AGO4: variants seen among roughly 807,000 people sequenced by gnomAD.
AGO4 encodes argonaute RISC component 4.
AGO4 carries 33 observed loss-of-function variants against 104.7 expected under a neutral mutation model. The ratio of observed to expected loss-of-function variants is 0.32; its 90% CI spans 0.24 to 0.42. AGO4 has a LOEUF of 0.42. Among genes scored for constraint, AGO4 ranks in the 10% least tolerant of loss-of-function variants. The pLI, the probability that AGO4 is intolerant of heterozygous loss-of-function variation, is 1.00. For missense variants in AGO4, 711 were observed against 1,083.4 expected, an observed-to-expected ratio of 0.66 and a Z score of 4.83; for synonymous variants, 331 against 364.7, an observed-to-expected ratio of 0.91 and a Z score of 1.05.
rs1304863289 is a variant in AGO4 at position 35,845,214 on chromosome 1, A to T, written c.2175+3464A>T. ...AATCAGACTTTTTTTTTTTTTTTTG[A>T]AATGGAGTTTCTGTAATCAGGCTTT... On this transcript the variant is annotated intron_variant, in intron 15 of 17. Transcript: ENST00000373210. 1.7e-3 allele frequency among the ~76,000 whole-genome samples: 18 copies of T among 10,634 alleles called. 4 individuals are homozygous for T. Among genetic ancestry groups the T allele is most frequent in the Non-Finnish European group, 0.01 (11 of 1,078 alleles). The allele number at this position is 10,634 out of a possible 152,430, so 7.0% of individuals were successfully genotyped here. A position where few individuals can be genotyped will look rare whatever the true frequency, so the allele number is the denominator to read the frequency against.
chr1:35,849,518 C>CAA (rs754902083), intron 15 of AGO4, among the ~76,000 whole-genome samples: 1,104 of 59,342 alleles, frequency 0.019, 26 homozygotes, highest in African/African-American at 0.058. Context: ...CCCCGTGTCT[C>CAA]AAAAAAAAAA....
In AGO4 at chr1:35,857,325, C is replaced by T. The variant is rs1409052687; in HGVS notation, c.*3720C>T. The T allele has an allele frequency of 6.6e-6, 1 of 152,164 alleles. No individual in the cohort carries two copies. Among genetic ancestry groups the T allele is most frequent in the African/African-American group, 2.4e-5 (1 of 41,424 alleles). The allele number at this position is 152,164 out of a possible 1,614,324, so 9.4% of individuals were successfully genotyped here. A position where few individuals can be genotyped will look rare whatever the true frequency, so the allele number is the denominator to read the frequency against. On this transcript the variant is annotated 3_prime_UTR_variant, in exon 18 of 18. Transcript: ENST00000373210. ...TTCCTTGTAAAATTAAAGGAAAGAT[C>T]TTGTTATTGATTAACCATTTTCTTA... is the stretch of plus-strand genomic sequence containing the variant.
chr1:35,811,425 G>A (rs1643500119), intron 1 of AGO4, among the ~76,000 whole-genome samples: 1 of 148,276 alleles, frequency 6.7e-6, no homozygotes, highest in Non-Finnish European at 1.5e-5. Context: ...TTGCGCCACT[G>A]CACTCCAGCC....
chr1:35,834,307 C>A, intron 12 of AGO4, 133 bp downstream of exon 12: 4 of 784,108 alleles, frequency 5.1e-6, no homozygotes, highest in South Asian at 4.6e-5. Flanking sequence ...TTGTTTCTTG[C>A]TCCTGTTATG....
chr1:35,847,358 C>T (rs778109858), intron 15 of AGO4, among the ~76,000 whole-genome samples: 3 of 151,944 alleles, frequency 2.0e-5, no homozygotes, highest in Non-Finnish European at 4.4e-5. Context: ...CTCAGCCTCC[C>T]GAGTAGCTGG....
At chr1:35,816,000 C>T (rs771643171) in intron 1 of AGO4, among the ~76,000 whole-genome samples, 1 of 152,192 alleles carries the variant, frequency 6.6e-6, no homozygotes, top group Non-Finnish European at 1.5e-5. Flanking sequence ...TAAACTAGAT[C>T]TTATGAGCAA....
At chr1:35,832,929 AT>A (rs549818282) in intron 11 of AGO4, among the ~76,000 whole-genome samples, 61 of 152,318 alleles carry the variant, frequency 4.0e-4, no homozygotes, top group Admixed American at 3.7e-3. Context: ...AGCTTGTTTT[AT>A]TGCAAGGTCT....
intron 7 of AGO4, among the ~76,000 whole-genome samples, chr1:35,827,091 A>G (rs576097060): frequency 9.2e-5 from 14 of 152,060 alleles, no homozygotes; most frequent in African/African-American, 2.9e-4. Flanking sequence ...AACACCAGGT[A>G]CTCGGGAGGC....
Position 35,853,532 on chromosome 1 carries a change from G to A in AGO4, c.2513G>A (p.Gly838Asp). 1 of 1,613,782 alleles carries A rather than the reference G, an allele frequency of 6.2e-7. No individual in the cohort carries two copies. The highest frequency in any genetic ancestry group is 8.5e-7 in the Non-Finnish European group (1 of 1,179,880). ...AGTCATGTGTCAGGACAGAGCAACG[G>A]CCGGGATCCTCAGGCCTTGGCTAAG... is the stretch of plus-strand genomic sequence containing the variant. ...EGSHVSGQSN[G>D]RDPQALAKAV... The change falls in exon 18 of 18, where the codon GGC (glycine) becomes GAC (aspartate). Residue 838 changes from glycine (G) to aspartate (D), a missense_variant. By Grantham distance (94) the Gly-to-Asp change is moderately conservative. Transcript: ENST00000373210.
intron 2 of AGO4, 93 bp from the exon 3 acceptor site, chr1:35,822,769 T>C: frequency 6.6e-7 from 1 of 1,512,526 alleles, no homozygotes; most frequent in Non-Finnish European, 9.1e-7. Flanking sequence ...CAAGTAATAC[T>C]GAACCGAATT....
intron 9 of AGO4, 24 bp from the exon 10 acceptor site, chr1:35,832,033 T>C: frequency 6.2e-7 from 1 of 1,605,696 alleles, no homozygotes; most frequent in Non-Finnish European, 8.5e-7. Context: ...GGTTTTTATA[T>C]ATGCAGGCTT....
intron 7 of AGO4, among the ~76,000 whole-genome samples, chr1:35,828,543 G>C (rs1242155069): frequency 3.3e-5 from 5 of 150,242 alleles, no homozygotes; most frequent in Admixed American, 6.6e-5. Flanking sequence ...TTTTGAGACA[G>C]AGTTTAGCTC....
At position 35,832,456 on chromosome 1, in the gene AGO4, C is replaced by A; in HGVS notation, c.1265C>A (p.Pro422His). The change falls in exon 11 of 18, where the codon CCC (proline) becomes CAC (histidine). Residue 422 changes from proline to histidine, a missense_variant. Physicochemically the swap from Pro to His is moderately conservative, Grantham distance 77 (BLOSUM62 -2). This residue lies in a region of AGO4 where 401 missense variants were observed against 665.5 expected (regional missense o/e 0.60). Coordinates refer to ENST00000373210, the MANE Select transcript of AGO4 (RefSeq NM_017629.4). ...TCAAAGAATAAAACAGTAGCCACAC[C>A]CAACCAGGGTGTCTGGGACATGCGA... is the stretch of plus-strand genomic sequence containing the variant. The part of the protein sequence containing the change: ...YGGRNKTVAT[P>H]NQGVWDMRGK... 6.2e-7 allele frequency: 1 copy of A among 1,605,468 alleles called. No homozygotes were observed. The highest frequency in any genetic ancestry group is 8.5e-7 in the Non-Finnish European group (1 of 1,177,586).
rs1426576791 is a variant in AGO4, at chr1:35,825,207, A to T, written c.307-106A>T. 13 of 1,196,464 alleles carry T rather than the reference A, an allele frequency of 1.1e-5. No homozygotes were observed. The East Asian group carries it at 2.8e-4, about 26-fold the overall frequency. 74.1% of individuals were successfully genotyped at this position (1,196,464 alleles called of 1,614,324 possible). ...CCAATGTTACACAATTGTAAAAAAA[A>T]GTTAAAAGAAATATCCTTATGCATG... On this transcript the variant is annotated intron_variant, in intron 3 of 17. Coordinates refer to ENST00000373210, the MANE Select transcript of AGO4 (RefSeq NM_017629.4).
intron 15 of AGO4, among the ~76,000 whole-genome samples, chr1:35,848,433 TAC>T (rs1376328868): frequency 3.1e-5 from 4 of 128,894 alleles, no homozygotes; most frequent in African/African-American, 1.0e-4. Flanking sequence ...GACATTGTGT[TAC>T]AGTTTATTGT....
chr1:35,818,666 AAAGGAAGGAAGGAAGG>A (rs796636245), intron 2 of AGO4, among the ~76,000 whole-genome samples: 2 of 79,686 alleles, frequency 2.5e-5, no homozygotes, highest in Non-Finnish European at 4.9e-5. Flanking sequence ...AGAAAGGAAG[AAAGGAAGGAAGGAAGG>A]AAGGAAGGAA....
rs564506648 is a variant in AGO4 at position 35,822,792 on chromosome 1, G to T, written c.186-70G>T. On this transcript the variant is annotated intron_variant, in intron 2 of 17. Transcript: ENST00000373210. ...ACTGAACCGAATTTAAATGATTAAA[G>T]TATGATGATGCTTTTCTTACTGTTC... is the stretch of plus-strand genomic sequence containing the variant. 3.2e-6 allele frequency: 5 copies of T among 1,576,098 alleles called. No homozygotes were observed. In the African/African-American group the frequency reaches 6.7e-5, roughly 21 times the overall value.
intron 13 of AGO4, 63 bp downstream of exon 13, chr1:35,836,056 G>A: frequency 6.5e-7 from 1 of 1,542,662 alleles, no homozygotes. Flanking sequence ...TTATGGGAAA[G>A]CACACAAATA....
In AGO4 at chr1:35,834,142, T is replaced by C. The variant is rs778652892; in HGVS notation, c.1532T>C (p.Val511Ala). Reference sequence around the variant, plus strand: ...ACTTATGTGGGCCTACAGCTAATAGTGGTTATCCTGCCTGGAAAGACACCA... The same window carrying C: ...ACTTATGTGGGCCTACAGCTAATAGCGGTTATCCTGCCTGGAAAGACACCA... ...KMTYVGLQLIVVILPGKTPVY... is the reference protein window; with the variant it reads ...KMTYVGLQLIAVILPGKTPVY... Residue 511 changes from valine to alanine, a missense_variant, in exon 12 of 18, where the codon GTG becomes GCG. Physicochemically the swap from Val to Ala is moderately conservative, Grantham distance 64. Around this residue, in one of 3 missense-constraint regions of AGO4, gnomAD observed 401 missense variants for 665.5 expected, o/e 0.60. Coordinates refer to ENST00000373210, the MANE Select transcript of AGO4 (RefSeq NM_017629.4). The C allele has an allele frequency of 2.1e-5, 33 of 1,603,338 alleles. No individual in the cohort carries two copies. Among genetic ancestry groups the C allele is most frequent in the Non-Finnish European group, 2.8e-5 (33 of 1,175,988 alleles).
Sources: gnomAD v4.1 joint callset for allele counts (sites outside exome capture counted in the v4.1 genomes callset) on GRCh38, gnomAD v4.1.1 for gene constraint, gnomAD v4.1.1 regional missense constraint, MANE v1.5 for transcripts, NCBI Gene and HGNC (gene_info 2026-07-23, HGNC 2026-07-21) for gene names.